Variants in CAMSAP2 observed in about 807,000 individuals in gnomAD.
CAMSAP2 encodes the protein calmodulin regulated spectrin associated protein family member 2.
Under a neutral mutation model 146.1 loss-of-function variants are expected in CAMSAP2, and 26 were observed. The observed-to-expected ratio is 0.18, with a 90% CI of 0.13 to 0.25. The LOEUF (loss-of-function observed/expected upper bound fraction) is 0.25, where lower values mean the gene tolerates loss of function less well. Ranked by LOEUF, CAMSAP2 falls within the 10% of genes least tolerant of loss-of-function variation. The probability of loss-of-function intolerance (pLI) is 1.00; values close to 1 mark genes in which losing one functional copy is unlikely to be tolerated. For missense variants in CAMSAP2, 1,381 were observed against 1,759.3 expected (o/e 0.78, Z 3.85); for synonymous variants, 499 against 596.6 (o/e 0.84, Z 2.38).
At chr1:200,835,844 A>C (rs983930942) in intron 6 of CAMSAP2, among the ~76,000 whole-genome samples, 1 of 152,210 alleles carries the variant, frequency 6.6e-6, no homozygotes, top group Non-Finnish European at 1.5e-5. Flanking sequence ...AAAGGAAAAA[A>C]ACTGTCTCAC....
At chr1:200,854,676 A>G (rs1285687212) in intron 13 of CAMSAP2, 141 bp from the exon 14 acceptor site, 1 of 560,880 alleles carries the variant, frequency 1.8e-6, no homozygotes, top group Non-Finnish European at 3.2e-6. Context: ...GTTTAAAAGT[A>G]CAGAGAAAAG....
In CAMSAP2 at chr1:200,747,911, CG is replaced by C. The variant is rs1664383100; in HGVS notation, c.139+7948del. Among the ~76,000 whole-genome samples, 3 of 145,866 alleles carry C rather than the reference CG, an allele frequency of 2.1e-5. No individual in the cohort carries two copies. The South Asian group carries it at 6.6e-4, about 32-fold the overall frequency. On this transcript the variant is annotated intron_variant, in intron 1 of 16. Coordinates refer to ENST00000358823, the MANE Select transcript of CAMSAP2 (RefSeq NM_203459.4). ...CTGAGGCAGGAGAATGGCGTGAACC[CG>C]GGAGGCGGAGCTTGCAGTGAGCCGA...
intron 1 of CAMSAP2, among the ~76,000 whole-genome samples, chr1:200,749,014 A>T (rs578231229): frequency 2.0e-5 from 3 of 152,198 alleles, no homozygotes; most frequent in Non-Finnish European, 4.4e-5. Flanking sequence ...AACAACTTAA[A>T]ATGCCCAAAT....
chr1:200,807,618 ACT>A (rs1666214829), intron 3 of CAMSAP2, 81 bp downstream of exon 3: 6 of 1,041,658 alleles, frequency 5.8e-6, no homozygotes, highest in Admixed American at 3.0e-5. Context: ...CCACTTCATT[ACT>A]CTTTTTGTTT....
chr1:200,830,922 C>T (rs1667025084), intron 4 of CAMSAP2, among the ~76,000 whole-genome samples: 1 of 152,138 alleles, frequency 6.6e-6, no homozygotes, highest in African/African-American at 2.4e-5. Context: ...TAAGTATCTC[C>T]TTCTTCATTA....
At chr1:200,814,762 G>T (rs1161782605) in intron 3 of CAMSAP2, among the ~76,000 whole-genome samples, 1 of 152,022 alleles carries the variant, frequency 6.6e-6, no homozygotes, top group East Asian at 1.9e-4. Context: ...GAGTTTAAAG[G>T]AAGAAAAGGG....
Position 200,840,664 on chromosome 1 carries a change from C to T in CAMSAP2, c.928-1330C>T, listed in dbSNP as rs976962704. Among the ~76,000 whole-genome samples the T allele has an allele frequency of 1.6e-4, 24 of 152,096 alleles. 1 individual carries two copies. The highest frequency in any genetic ancestry group is 8.5e-4 in the Admixed American group (13 of 15,270). On this transcript the variant is annotated intron_variant, in intron 6 of 16. Transcript: ENST00000358823. ...CTTAAATATGAGAAAACCAAGAGAACGCATGAGTTCTAGTGGAGAGCATAT... is the reference window on the plus strand; with the variant it reads ...CTTAAATATGAGAAAACCAAGAGAATGCATGAGTTCTAGTGGAGAGCATAT...
At chr1:200,808,629 G>A (rs1666243944) in intron 3 of CAMSAP2, among the ~76,000 whole-genome samples, 1 of 152,142 alleles carries the variant, frequency 6.6e-6, no homozygotes, top group Non-Finnish European at 1.5e-5. Flanking sequence ...CTCCTCAGCT[G>A]TAGAAAATCA....
At position 200,849,154 on chromosome 1, in the gene CAMSAP2, G is replaced by A; in HGVS notation, c.2385G>A (p.Gly795=). Residue 795 remains glycine, a synonymous_variant, in exon 11 of 17, where the codon GGG becomes GGA. Coordinates refer to ENST00000358823, the MANE Select transcript of CAMSAP2 (RefSeq NM_203459.4). The surrounding 1 kb of genome is among the most constrained non-coding windows in gnomAD (Gnocchi z 6.3). ...TCCTTACTGTAGTGAAAAAGAAAGG[G>A]GATGGGATATCTCCTCTACGAGAGG... The part of the protein sequence containing the change: ...TAFLTVVKKK[G]DGISPLREEA... The A allele has an allele frequency of 6.2e-7, 1 of 1,614,098 alleles. No individual in the cohort carries two copies. The highest frequency in any genetic ancestry group is 8.5e-7 in the Non-Finnish European group (1 of 1,180,004).
chr1:200,806,768 TC>T (rs1666186294), intron 2 of CAMSAP2, among the ~76,000 whole-genome samples: 5 of 22,920 alleles, frequency 2.2e-4, no homozygotes, highest in Non-Finnish European at 8.7e-4. Context: ...TGTGTGTGTA[TC>T]TATCTATCTA....
chr1:200,745,965 A>G (rs969959598), intron 1 of CAMSAP2, among the ~76,000 whole-genome samples: 3 of 152,240 alleles, frequency 2.0e-5, no homozygotes, highest in African/African-American at 7.2e-5. Flanking sequence ...GTTTTTAAAA[A>G]TAGGTATACA....
rs758370318 is a variant in CAMSAP2, at chr1:200,847,653, G to C, written c.1206G>C (p.Arg402Ser). The C allele has an allele frequency of 6.8e-6, 11 of 1,611,544 alleles. No homozygotes were observed. Residue 402 changes from arginine to serine, a missense_variant, in exon 10 of 17, where the codon AGG (arginine) becomes AGC (serine). Coordinates refer to ENST00000358823, the MANE Select transcript of CAMSAP2 (RefSeq NM_203459.4). ...AHSSASGGIR[R>S]SSSMSYVDGF... ...TTGCATTTGAAGGAGGAATTAGAAG[G>C]TCTTCATCTATGTCTTATGTTGATG...
chr1:200,847,798 C>T, intron 10 of CAMSAP2, 89 bp downstream of exon 10: 3 of 1,194,030 alleles, frequency 2.5e-6, no homozygotes, highest in South Asian at 2.6e-5. Flanking sequence ...AACCAAATTG[C>T]TAAAACTTTT....
rs1269318457 is a variant in CAMSAP2, at chr1:200,739,641, G to A, written c.-187G>A. On this transcript the variant is annotated 5_prime_UTR_variant, in exon 1 of 17. Transcript: ENST00000358823. This position sits in a 1 kb window ranked among gnomAD's most constrained non-coding sequence, Gnocchi z 4.8. ...CGGGAGCGGCGGCGGCGGCGGCGGC[G>A]GCTCCCGCGGGAGGCGGCAGGCGCG... 7.6e-6 allele frequency: 3 copies of A among 393,408 alleles called. No homozygotes were observed. Among genetic ancestry groups the A allele is most frequent in the Non-Finnish European group, 1.2e-5 (3 of 240,118 alleles). The allele number at this position is 393,408 out of a possible 1,614,324, so 24.4% of individuals were successfully genotyped here.
At chr1:200,827,296 G>A (rs1198390805) in intron 4 of CAMSAP2, among the ~76,000 whole-genome samples, 1 of 152,124 alleles carries the variant, frequency 6.6e-6, no homozygotes, top group African/African-American at 2.4e-5. Flanking sequence ...AGACTTCTTT[G>A]TACACCTGCT....
rs1156929675 is a variant in CAMSAP2, at chr1:200,853,444, A to G, written c.3772A>G (p.Ile1258Val). 1 of 1,613,784 alleles carries G rather than the reference A, an allele frequency of 6.2e-7. No individual in the cohort carries two copies. The highest frequency in any genetic ancestry group is 1.3e-5 in the African/African-American group (1 of 74,916). Reference protein sequence around the residue: ...VKQKKQRPKSIHRDHIESPKT... With the variant: ...VKQKKQRPKSVHRDHIESPKT... The stretch of plus-strand genomic sequence containing the variant: ...ACAAAAAAAACAGCGACCAAAATCT[A>G]TTCACAGAGATCATATTGAATCCCC... Residue 1258 changes from isoleucine to valine, a missense_variant, in exon 13 of 17, where the codon ATT becomes GTT. Around this residue, in one of 4 missense-constraint regions of CAMSAP2, gnomAD observed 560 missense variants for 715.9 expected, o/e 0.78. Coordinates refer to ENST00000358823, the MANE Select transcript of CAMSAP2 (RefSeq NM_203459.4). The surrounding 1 kb of genome is among the most constrained non-coding windows in gnomAD (Gnocchi z 5.1).
chr1:200,793,525 G>A (rs563155057), intron 2 of CAMSAP2, among the ~76,000 whole-genome samples: 1 of 152,188 alleles, frequency 6.6e-6, no homozygotes, highest in South Asian at 2.1e-4. Context: ...TCTTAAGAGT[G>A]GATTTGATTT....
chr1:200,804,643 G>A (rs1420542056), intron 2 of CAMSAP2, among the ~76,000 whole-genome samples: 1 of 152,104 alleles, frequency 6.6e-6, no homozygotes, highest in African/African-American at 2.4e-5. Flanking sequence ...AAGTGAAAAA[G>A]ACAGGATCCC....
At chr1:200,844,939 T>C (rs1194800898) in intron 8 of CAMSAP2, 70 bp downstream of exon 8, 1 of 746,782 alleles carries the variant, frequency 1.3e-6, no homozygotes, top group Non-Finnish European at 2.1e-6. Flanking sequence ...TAATATTATA[T>C]TACATTAAAT....
Sources: allele counts gnomAD v4.1 joint callset (sites outside exome capture counted in the v4.1 genomes callset), GRCh38; gene constraint gnomAD v4.1.1; regional missense constraint gnomAD v4.1.1; non-coding constraint Gnocchi (gnomAD v3.1); transcripts MANE v1.5; gene names NCBI Gene and HGNC (gene_info 2026-07-23, HGNC 2026-07-21).